The following TTF1 variants were observed in gnomAD, a reference collection of about 807,000 sequenced individuals.
TTF1 encodes transcription termination factor 1.
A neutral mutation model predicts 80.2 loss-of-function variants in TTF1; 64 were observed. The ratio of observed to expected loss-of-function variants is 0.80; its 90% CI spans 0.65 to 0.98. The LOEUF (loss-of-function observed/expected upper bound fraction) is 0.98, where lower values mean the gene tolerates loss of function less well. Ranked by LOEUF, TTF1 falls within the 50% of genes least tolerant of loss-of-function variation. The pLI, the probability that TTF1 is intolerant of heterozygous loss-of-function variation, is 0.00. For missense variants in TTF1, 1,023 were observed against 1,086.2 expected, an observed-to-expected ratio of 0.94 and a Z score of 0.82; for synonymous variants, 372 against 382.7, an observed-to-expected ratio of 0.97 and a Z score of 0.33.
chr9:132,379,174 C>A (rs1194117952), intron 9 of TTF1, 30 bp from the exon 10 acceptor site: 28 of 1,529,768 alleles, frequency 1.8e-5, no homozygotes, highest in Non-Finnish European at 2.0e-5. Flanking sequence ...AGATAAAAAG[C>A]AAGTTAGTTT....
chr9:132,391,719 C>T (rs149619362), intron 6 of TTF1, among the ~76,000 whole-genome samples: 10 of 152,316 alleles, frequency 6.6e-5, no homozygotes, highest in African/African-American at 1.2e-4. Context: ...CCCCGCCTGA[C>T]GGGCACGAAC....
Position 132,401,539 on chromosome 9 carries a change from A to T in TTF1, c.1283T>A (p.Met428Lys). The T allele has an allele frequency of 6.2e-7, 1 of 1,614,068 alleles. No individual in the cohort carries two copies. Among genetic ancestry groups the T allele is most frequent in the Non-Finnish European group, 8.5e-7 (1 of 1,180,010 alleles). ...LFDSVEGDGA[M>K]MEEGVKSRPR... ...CCTAGATTTCACACCTTCTTCCATC[A>T]TGGCGCCATCACCTTCTACTGAATC... is the stretch of plus-strand genomic sequence containing the variant. Residue 428 changes from methionine (M) to lysine (K), a missense_variant, in exon 2 of 11, where the codon ATG becomes AAG. Met to Lys is a moderately conservative substitution (Grantham distance 95). Coordinates refer to ENST00000334270, the MANE Select transcript of TTF1 (RefSeq NM_007344.4).
chr9:132,387,613 C>T (rs949718372), intron 8 of TTF1, among the ~76,000 whole-genome samples: 4 of 152,128 alleles, frequency 2.6e-5, no homozygotes, highest in Admixed American at 1.3e-4. Flanking sequence ...GTTCCTCAGT[C>T]GACATGGGCC....
rs779590616 is a variant in TTF1, at chr9:132,401,448, T to C, written c.1367+7A>G. ...TACCAGCAGCTGGAATACCACTCCC[T>C]CGTTACCTTGGCGCCTCTTGCACGT... On this transcript the variant is annotated splice_region_variant and intron_variant, in intron 2 of 10. Coordinates refer to ENST00000334270, the MANE Select transcript of TTF1 (RefSeq NM_007344.4). The C allele has an allele frequency of 2.5e-6, 4 of 1,600,046 alleles. No homozygotes were observed. The highest frequency in any genetic ancestry group is 2.2e-5 in the South Asian group (2 of 89,776).
intron 1 of TTF1, among the ~76,000 whole-genome samples, chr9:132,405,034 C>T (rs540546474): frequency 6.6e-6 from 1 of 150,432 alleles, no homozygotes; most frequent in Admixed American, 6.6e-5. Context: ...TACAGGTGCC[C>T]GCCACGACGC....
chr9:132,395,979 C>A (rs1428854334), intron 5 of TTF1, among the ~76,000 whole-genome samples: 1 of 152,120 alleles, frequency 6.6e-6, no homozygotes, highest in Non-Finnish European at 1.5e-5. Flanking sequence ...GGTTAAGCAC[C>A]CCAGGTTGAT....
rs1849419187 is a variant in TTF1, at chr9:132,384,167, A to G, written c.2378+2389T>C. 6.6e-6 allele frequency among the ~76,000 whole-genome samples: 1 copy of G among 152,228 alleles called. No individual in the cohort carries two copies. The highest frequency in any genetic ancestry group is 2.4e-5 in the African/African-American group (1 of 41,462). On this transcript the variant is annotated intron_variant, in intron 9 of 10. Coordinates refer to ENST00000334270, the MANE Select transcript of TTF1 (RefSeq NM_007344.4). This position sits in a 1 kb window ranked among gnomAD's most constrained non-coding sequence, Gnocchi z 4.1. Reference sequence around the variant, plus strand: ...GTTGCTGAACTGGGGTGATGGGTACATGAAGCTTCATTTATTTTGTATCTG... The same window carrying G: ...GTTGCTGAACTGGGGTGATGGGTACGTGAAGCTTCATTTATTTTGTATCTG...
intron 9 of TTF1, 45 bp downstream of exon 9, chr9:132,386,511 C>G: frequency 7.1e-7 from 1 of 1,411,408 alleles, no homozygotes; most frequent in African/African-American, 1.4e-5. Context: ...TTTATTAAGT[C>G]ATCTCTATAT....
At chr9:132,379,450 G>A (rs946049027) in intron 9 of TTF1, among the ~76,000 whole-genome samples, 1 of 152,166 alleles carries the variant, frequency 6.6e-6, no homozygotes, top group South Asian at 2.1e-4. Context: ...GTATAATGCC[G>A]GCTAACGGGC....
chr9:132,391,927 A>G, intron 6 of TTF1, 149 bp downstream of exon 6: 1 of 1,340,624 alleles, frequency 7.5e-7, no homozygotes, highest in Non-Finnish European at 9.9e-7. Context: ...AGGAAACCAA[A>G]CAAATTAGTA....
At chr9:132,386,429 T>A in intron 9 of TTF1, 127 bp downstream of exon 9, 1 of 841,426 alleles carries the variant, frequency 1.2e-6, no homozygotes, top group Non-Finnish European at 1.9e-6. Context: ...CACTGAATTT[T>A]AACCACCACT....
intron 10 of TTF1, among the ~76,000 whole-genome samples, chr9:132,378,644 G>A (rs1245116781): frequency 7.0e-6 from 1 of 142,364 alleles, no homozygotes; most frequent in Non-Finnish European, 1.5e-5. Flanking sequence ...GTGAGTGCAT[G>A]TGGTGTGAGT....
chr9:132,381,225 G>A (rs1351778840), intron 9 of TTF1, among the ~76,000 whole-genome samples: 1 of 151,004 alleles, frequency 6.6e-6, no homozygotes. Flanking sequence ...ATGGAGTCTG[G>A]CTCTGTGGCC....
chr9:132,400,123 G>A lies in TTF1; in HGVS notation c.1503C>T (p.Phe501=). 6.2e-7 allele frequency: 1 copy of A among 1,614,124 alleles called. No individual in the cohort carries two copies. The highest frequency in any genetic ancestry group is 1.1e-5 in the South Asian group (1 of 91,070). The change falls in exon 3 of 11, where the codon TTC becomes TTT. Residue 501 remains phenylalanine, a synonymous_variant. Coordinates refer to ENST00000334270, the MANE Select transcript of TTF1 (RefSeq NM_007344.4). The part of the protein sequence containing the change: ...LGSAVKQLQE[F]IPNIKDRATS... ...TGGCCCTGTCCTTGATGTTAGGAAT[G>A]AACTCCTGAAGCTGTTTCACGGCAG...
intron 7 of TTF1, among the ~76,000 whole-genome samples, chr9:132,389,128 C>A (rs1180009304): frequency 6.6e-6 from 1 of 151,628 alleles, no homozygotes; most frequent in South Asian, 2.1e-4. Context: ...TTACCATGTC[C>A]TCCTTTTAAC....
At chr9:132,403,467 T>C (rs764251506) in intron 1 of TTF1, among the ~76,000 whole-genome samples, 36 of 151,346 alleles carry the variant, frequency 2.4e-4, no homozygotes, top group East Asian at 1.9e-4. Flanking sequence ...CCATAACCTT[T>C]CCCCCCCAGC....
rs756518444 is a variant in TTF1, at chr9:132,401,816, T to C, written c.1006A>G (p.Lys336Glu). The C allele has an allele frequency of 4.3e-6, 7 of 1,614,102 alleles. No homozygotes were observed. In the Admixed American group the frequency reaches 6.7e-5, roughly 15 times the overall value. Residue 336 changes from lysine (K) to glutamate (E), a missense_variant, in exon 2 of 11, where the codon AAG (lysine) becomes GAG (glutamate). Physicochemically the swap from Lys to Glu is moderately conservative, Grantham distance 56. Transcript: ENST00000334270. ...AATTCCTGGTGATTGGACTTTTTCT[T>C]TTTTTTCTTAGACTTGTTTTTATAA... ...PAYKNKSKKKKKKSNHQEFEA... is the reference protein window; with the variant it reads ...PAYKNKSKKKEKKSNHQEFEA...
Position 132,397,509 on chromosome 9 carries a change from C to A in TTF1, c.1777+632G>T, listed in dbSNP as rs150496669. 3.1e-3 allele frequency among the ~76,000 whole-genome samples: 478 copies of A among 152,230 alleles called. 2 individuals carry two copies. The highest frequency in any genetic ancestry group is 0.011 in the African/African-American group (464 of 41,504). On this transcript the variant is annotated intron_variant, in intron 4 of 10. Coordinates refer to ENST00000334270, the MANE Select transcript of TTF1 (RefSeq NM_007344.4). ...GGCCACACTTAAAAAACACGGGAGA[C>A]CATGGTGCGTATAAGGATGTGCTTT...
In TTF1 at chr9:132,394,938, T is replaced by C. The variant is rs554784136; in HGVS notation, c.1856+1495A>G. Among the ~76,000 whole-genome samples, 3 of 150,424 alleles carry C rather than the reference T, an allele frequency of 2.0e-5. No homozygotes were observed. In the South Asian group the frequency reaches 6.3e-4, roughly 32 times the overall value. Reference sequence around the variant, plus strand: ...CAGGCACGGTGTCTCACCCCTGTAATCCCAGCACCGTGGGAGGCTGAGGCA... The same window carrying C: ...CAGGCACGGTGTCTCACCCCTGTAACCCCAGCACCGTGGGAGGCTGAGGCA... On this transcript the variant is annotated intron_variant, in intron 5 of 10. Coordinates refer to ENST00000334270, the MANE Select transcript of TTF1 (RefSeq NM_007344.4).
Sources: gnomAD v4.1 joint callset for allele counts (sites outside exome capture counted in the v4.1 genomes callset) on GRCh38, gnomAD v4.1.1 for gene constraint, Gnocchi (gnomAD v3.1) non-coding constraint, MANE v1.5 for transcripts, NCBI Gene and HGNC (gene_info 2026-07-23, HGNC 2026-07-21) for gene names.